Variants in CNBD1 observed in about 807,000 individuals in gnomAD.
CNBD1 encodes cyclic nucleotide-binding domain-containing protein 1.
Under a neutral mutation model 54.4 loss-of-function variants are expected in CNBD1, and 71 were observed. The ratio of observed to expected loss-of-function variants is 1.30; its 90% confidence interval spans 1.08 to 1.59. The LOEUF (loss-of-function observed/expected upper bound fraction) is 1.59, where lower values mean the gene tolerates loss of function less well. Among genes scored for constraint, CNBD1 ranks in the 40% most tolerant of loss-of-function variants. The pLI is 0.00. For synonymous variants in CNBD1, 182 were observed against 170.7 expected, an observed-to-expected ratio of 1.07 and a Z score of -0.51; for missense variants, 659 against 518.0, an observed-to-expected ratio of 1.27 and a Z score of -2.64.
intron 4 of CNBD1, among the ~76,000 whole-genome samples, chr8:87,052,487 T>C (rs938654730): frequency 1.3e-5 from 2 of 152,224 alleles, no homozygotes; most frequent in Admixed American, 6.5e-5. Context: ...CATTCCAGTA[T>C]GCACATTAGA....
chr8:86,963,811 C>T (rs1001449080), intron 4 of CNBD1, among the ~76,000 whole-genome samples: 10 of 152,146 alleles, frequency 6.6e-5, no homozygotes, highest in African/African-American at 2.4e-4. Context: ...ATGGCAATGA[C>T]AGTCTGAACC....
chr8:87,065,723 T>A (rs1243457917), intron 4 of CNBD1, among the ~76,000 whole-genome samples: 2 of 151,932 alleles, frequency 1.3e-5, no homozygotes, highest in African/African-American at 4.8e-5. Context: ...CTAATGCCTT[T>A]ATGTAAATAT....
At chr8:87,070,029 C>T (rs1164122999) in intron 4 of CNBD1, among the ~76,000 whole-genome samples, 1 of 151,996 alleles carries the variant, frequency 6.6e-6, no homozygotes, top group African/African-American at 2.4e-5. Context: ...AATGAATAAT[C>T]CTCCACTCTC....
intron 4 of CNBD1, among the ~76,000 whole-genome samples, chr8:87,024,658 A>G (rs1180570693): frequency 5.9e-5 from 9 of 152,148 alleles, no homozygotes; most frequent in African/African-American, 1.9e-4. Context: ...AACTTTTTAG[A>G]GTAAAAAAAA....
chr8:87,389,606 A>C (rs1181506627), intron 2 of CNBD1, among the ~76,000 whole-genome samples: 3 of 152,210 alleles, frequency 2.0e-5, no homozygotes, highest in Non-Finnish European at 4.4e-5. Context: ...AAAAGAGGAT[A>C]CAAACAAATG....
intron 2 of CNBD1, among the ~76,000 whole-genome samples, chr8:87,420,178 A>G (rs748058686): frequency 2.0e-5 from 3 of 151,864 alleles, no homozygotes; most frequent in East Asian, 1.9e-4. Flanking sequence ...TTTTTGCTCA[A>G]TGAACCCAGA....
intron 4 of CNBD1, among the ~76,000 whole-genome samples, chr8:86,990,749 G>C (rs1808726518): frequency 6.6e-6 from 1 of 152,044 alleles, no homozygotes. Context: ...TGTTTTGATA[G>C]AAATCACATT....
intron 8 of CNBD1, among the ~76,000 whole-genome samples, chr8:87,340,339 A>G (rs1810040388): frequency 6.6e-6 from 1 of 152,186 alleles, no homozygotes; most frequent in Non-Finnish European, 1.5e-5. Flanking sequence ...TTTGCCTATC[A>G]AAATCAAATT....
chr8:87,374,021 A>G (rs1305001421), intron 10 of CNBD1, among the ~76,000 whole-genome samples: 3 of 151,814 alleles, frequency 2.0e-5, no homozygotes, highest in Non-Finnish European at 4.4e-5. Flanking sequence ...CTAGGCTTTT[A>G]TAGTATATAC....
chr8:87,306,102 A>C (rs1168288168), intron 8 of CNBD1, among the ~76,000 whole-genome samples: 1 of 152,232 alleles, frequency 6.6e-6, no homozygotes, highest in Non-Finnish European at 1.5e-5. Flanking sequence ...GGACATGAAT[A>C]GACAATTCCC....
At chr8:86,982,493 TGA>T (rs1271718205) in intron 4 of CNBD1, among the ~76,000 whole-genome samples, 1 of 152,202 alleles carries the variant, frequency 6.6e-6, no homozygotes, top group Non-Finnish European at 1.5e-5. Flanking sequence ...GGATAAGTGT[TGA>T]GGTTCCTTTA....
At chr8:86,914,327 T>A (rs186687436) in intron 3 of CNBD1, among the ~76,000 whole-genome samples, 1 of 152,312 alleles carries the variant, frequency 6.6e-6, no homozygotes, top group Non-Finnish European at 1.5e-5. Flanking sequence ...AGCCAGTCCC[T>A]CCGTTCAGGG....
At chr8:87,223,351 A>G (rs1445194289) in intron 5 of CNBD1, among the ~76,000 whole-genome samples, 2 of 151,568 alleles carry the variant, frequency 1.3e-5, no homozygotes, top group South Asian at 2.1e-4. Flanking sequence ...CTAACTCATC[A>G]TCTAGCATTA....
At chr8:87,093,127 C>T (rs752506791) in intron 4 of CNBD1, among the ~76,000 whole-genome samples, 6 of 152,160 alleles carry the variant, frequency 3.9e-5, no homozygotes, top group Non-Finnish European at 8.8e-5. Flanking sequence ...TTTGTGAACT[C>T]TTGGCAACTT....
intron 2 of CNBD1, among the ~76,000 whole-genome samples, chr8:87,388,558 C>T (rs1346778062): frequency 6.6e-6 from 1 of 152,030 alleles, no homozygotes; most frequent in East Asian, 1.9e-4. Context: ...CAGGAAGAAG[C>T]TGAATCTCTG....
chr8:87,379,252 A>G (rs971823505), intron 10 of CNBD1, among the ~76,000 whole-genome samples: 1 of 151,986 alleles, frequency 6.6e-6, no homozygotes, highest in Admixed American at 6.6e-5. Flanking sequence ...TGACCTACAA[A>G]GAGACTTAGA....
intron 4 of CNBD1, among the ~76,000 whole-genome samples, chr8:87,002,581 C>T (rs1809015215): frequency 6.6e-6 from 1 of 150,968 alleles, no homozygotes; most frequent in Non-Finnish European, 1.5e-5. Context: ...CTTACTCATG[C>T]TGAAACCTTT....
chr8:87,289,971 A>G (rs886432983), intron 8 of CNBD1, among the ~76,000 whole-genome samples: 1 of 152,062 alleles, frequency 6.6e-6, no homozygotes, highest in Non-Finnish European at 1.5e-5. Flanking sequence ...TTTGTCTTGG[A>G]CAATATTTTC....
At chr8:87,041,068 T>C (rs1810057337) in intron 4 of CNBD1, among the ~76,000 whole-genome samples, 1 of 152,186 alleles carries the variant, frequency 6.6e-6, no homozygotes, top group African/African-American at 2.4e-5. Context: ...TTAAAAGTAA[T>C]AGCAAAAACT....
Sources: allele counts gnomAD v4.1 joint callset (sites outside exome capture counted in the v4.1 genomes callset), GRCh38; gene constraint gnomAD v4.1.1; transcripts MANE v1.5; gene names NCBI Gene and HGNC (gene_info 2026-07-23, HGNC 2026-07-21).